The following LCLAT1 variants were observed in gnomAD, a reference collection of about 807,000 sequenced individuals.
LCLAT1 encodes lysocardiolipin acyltransferase 1, also known as 1-AGP acyltransferase 8.
In LCLAT1, 11 loss-of-function variants were observed where a neutral mutation model predicts 30.7. The ratio of observed to expected loss-of-function variants is 0.36; its 90% CI spans 0.23 to 0.59. The LOEUF is 0.59. Ranked by LOEUF, LCLAT1 falls within the 20% of genes least tolerant of loss-of-function variation. LCLAT1 has a pLI of 0.77. For missense variants in LCLAT1, 402 were observed against 458.6 expected, an observed-to-expected ratio of 0.88 and a Z score of 1.13; for synonymous variants, 155 against 151.3, an observed-to-expected ratio of 1.02 and a Z score of -0.18.
chr2:30,636,887 T>C (rs1669057516), intron 5 of LCLAT1, among the ~76,000 whole-genome samples: 1 of 152,194 alleles, frequency 6.6e-6, no homozygotes, highest in African/African-American at 2.4e-5. Context: ...TCACGTAGAA[T>C]GACTGAGTAG....
chr2:30,474,361 C>T (rs1032699964), intron 1 of LCLAT1, among the ~76,000 whole-genome samples: 2 of 152,162 alleles, frequency 1.3e-5, no homozygotes, highest in African/African-American at 2.4e-5. Flanking sequence ...TAAATCATGC[C>T]TAGTTTTCCA....
chr2:30,596,133 T>A (rs1205564743), intron 5 of LCLAT1, among the ~76,000 whole-genome samples: 1 of 152,222 alleles, frequency 6.6e-6, no homozygotes, highest in Non-Finnish European at 1.5e-5. Context: ...ATAGAATGAT[T>A]TATGTTCCAT....
At chr2:30,540,295 G>T (rs1005326735) in intron 3 of LCLAT1, among the ~76,000 whole-genome samples, 2 of 152,166 alleles carry the variant, frequency 1.3e-5, no homozygotes, top group African/African-American at 2.4e-5. Context: ...TTCCATGTCA[G>T]TGTATCTATT....
intron 5 of LCLAT1, among the ~76,000 whole-genome samples, chr2:30,603,968 A>G (rs547675209): frequency 1.8e-4 from 27 of 152,214 alleles, no homozygotes; most frequent in African/African-American, 3.6e-4. Flanking sequence ...GTGGAATAAG[A>G]AATGTAATTG....
intron 1 of LCLAT1, among the ~76,000 whole-genome samples, chr2:30,466,229 T>TTTTTCTTTTCTTTTCTTTTC (rs377542663): frequency 0.01 from 1,552 of 149,648 alleles, 8 homozygotes; most frequent in Non-Finnish European, 0.016. Context: ...GTGTTTTCTT[T>TTTTTCTTTTCTTTTCTTTTC]TTTTCTTTTC....
At chr2:30,477,978 T>C (rs1683130705) in intron 1 of LCLAT1, among the ~76,000 whole-genome samples, 1 of 151,680 alleles carries the variant, frequency 6.6e-6, no homozygotes, top group Admixed American at 6.6e-5. Context: ...ATCTCAAAGA[T>C]TTACTTAAGG....
At chr2:30,542,013 T>G (rs1324578262) in intron 3 of LCLAT1, among the ~76,000 whole-genome samples, 1 of 152,198 alleles carries the variant, frequency 6.6e-6, no homozygotes, top group Non-Finnish European at 1.5e-5. Context: ...GCCATTCATA[T>G]AGCTTGTTTT....
chr2:30,568,931 A>C (rs1665646961), intron 5 of LCLAT1, among the ~76,000 whole-genome samples: 1 of 148,048 alleles, frequency 6.8e-6, no homozygotes, highest in Non-Finnish European at 1.5e-5. Flanking sequence ...TTTGGCTCTT[A>C]GGGTTTGAGA....
chr2:30,475,658 A>C (rs1683010790), intron 1 of LCLAT1, among the ~76,000 whole-genome samples: 1 of 152,228 alleles, frequency 6.6e-6, no homozygotes, highest in African/African-American at 2.4e-5. Context: ...AACTCAGCCC[A>C]GTATTTTTCT....
intron 3 of LCLAT1, among the ~76,000 whole-genome samples, chr2:30,544,661 A>G (rs1019114091): frequency 2.6e-5 from 4 of 152,014 alleles, no homozygotes; most frequent in Non-Finnish European, 4.4e-5. Context: ...TGTTACTTCT[A>G]TCAGCTTTGA....
At chr2:30,563,970 A>G (rs1192907100) in intron 4 of LCLAT1, among the ~76,000 whole-genome samples, 2 of 152,180 alleles carry the variant, frequency 1.3e-5, no homozygotes, top group Admixed American at 6.5e-5. Flanking sequence ...TCTAAAATGT[A>G]TGCCAACTGT....
intron 5 of LCLAT1, among the ~76,000 whole-genome samples, chr2:30,632,208 AGGT>A (rs1668800342): frequency 6.6e-6 from 1 of 152,250 alleles, no homozygotes; most frequent in Admixed American, 6.5e-5. Context: ...TTCCAGCTGA[AGGT>A]TAACTTTGAA....
Position 30,642,719 on chromosome 2 carries a change from C to CT in LCLAT1, c.*2104dup, listed in dbSNP as rs1166706478. 6.7e-6 allele frequency: 1 copy of CT among 150,154 alleles called. No individual in the cohort carries two copies. The highest frequency in any genetic ancestry group is 1.5e-5 in the Non-Finnish European group (1 of 67,638). The allele number at this position is 150,154 out of a possible 1,614,324, so 9.3% of individuals were successfully genotyped here. On this transcript the variant is annotated 3_prime_UTR_variant, in exon 6 of 6. Transcript: ENST00000379509. ...ATCCTCATTTTTTACAATTTTGTTC[C>CT]TTTTCATCATAGAAAACATGTTTAA...
chr2:30,530,949 G>A (rs1685952251), intron 2 of LCLAT1, among the ~76,000 whole-genome samples: 1 of 152,124 alleles, frequency 6.6e-6, no homozygotes, highest in Non-Finnish European at 1.5e-5. Context: ...TAGATTTGAG[G>A]TTTGGAATTT....
chr2:30,633,634 G>A (rs1014698390), intron 5 of LCLAT1, among the ~76,000 whole-genome samples: 3 of 152,108 alleles, frequency 2.0e-5, no homozygotes, highest in South Asian at 2.1e-4. Context: ...GCAGTGAGCC[G>A]AGGTCACGCC....
intron 2 of LCLAT1, among the ~76,000 whole-genome samples, chr2:30,530,344 A>G (rs1572578340): frequency 6.6e-6 from 1 of 152,204 alleles, no homozygotes; most frequent in South Asian, 2.1e-4. Flanking sequence ...TCTGTGTAGT[A>G]TATTTGTTTT....
intron 1 of LCLAT1, 110 bp downstream of exon 1, chr2:30,447,493 G>T: frequency 6.6e-6 from 1 of 152,402 alleles, no homozygotes; most frequent in Non-Finnish European, 1.5e-5. Flanking sequence ...TTCCTCCTGA[G>T]CCATGGACCT....
At position 30,525,726 on chromosome 2, in the gene LCLAT1, C is replaced by T; in HGVS notation, c.136C>T (p.Leu46Phe). 1 of 1,614,152 alleles carries T rather than the reference C, an allele frequency of 6.2e-7. No homozygotes were observed. The highest frequency in any genetic ancestry group is 2.2e-5 in the East Asian group (1 of 44,876). Residue 46 changes from leucine to phenylalanine, a missense_variant, in exon 2 of 6, where the codon CTT becomes TTT. Coordinates refer to ENST00000379509, the MANE Select transcript of LCLAT1 (RefSeq NM_001002257.3). ...PSWYRWINNR[L>F]VATWLTLPVA... ...TTGGTATCGCTGGATCAACAACCGCCTTGTGGCAACATGGCTCACCCTACC... is the reference window on the plus strand; with the variant it reads ...TTGGTATCGCTGGATCAACAACCGCTTTGTGGCAACATGGCTCACCCTACC...
intron 1 of LCLAT1, among the ~76,000 whole-genome samples, chr2:30,497,931 G>T (rs1173084672): frequency 6.6e-6 from 1 of 152,164 alleles, no homozygotes; most frequent in Non-Finnish European, 1.5e-5. Context: ...CTACACAAAT[G>T]TAAAGTTGTT....
Sources: gnomAD v4.1 joint callset for allele counts (sites outside exome capture counted in the v4.1 genomes callset) on GRCh38, gnomAD v4.1.1 for gene constraint, MANE v1.5 for transcripts, NCBI Gene and HGNC (gene_info 2026-07-23, HGNC 2026-07-21) for gene names.